RNASEH2C: variants seen among roughly 807,000 people sequenced by gnomAD.
RNASEH2C encodes RNase H1 small subunit.
In RNASEH2C, 20 loss-of-function variants were observed where a neutral mutation model predicts 16.3. That is an observed-to-expected ratio of 1.23 (90% CI 0.86 to 1.79). RNASEH2C has a LOEUF of 1.79. Among genes scored for constraint, RNASEH2C ranks in the 40% most tolerant of loss-of-function variants. The pLI, the probability that RNASEH2C is intolerant of heterozygous loss-of-function variation, is 0.00. For synonymous variants in RNASEH2C, 106 were observed against 98.9 expected, an observed-to-expected ratio of 1.07 and a Z score of -0.43; for missense variants, 296 against 235.9, an observed-to-expected ratio of 1.25 and a Z score of -1.67.
In RNASEH2C at chr11:65,718,722, G is replaced by T. The variant is rs375524599; in HGVS notation, c.*1061C>A. On this transcript the variant is annotated 3_prime_UTR_variant, in exon 4 of 4. Coordinates refer to ENST00000308418, the MANE Select transcript of RNASEH2C (RefSeq NM_032193.4). Reference sequence around the variant, plus strand: ...ATCCTGATGGGGCTGAAGTCGGAGAGCGGGGAGAGGCCACAGATCACCATC... The same window carrying T: ...ATCCTGATGGGGCTGAAGTCGGAGATCGGGGAGAGGCCACAGATCACCATC... 1 of 1,614,078 alleles carries T rather than the reference G, an allele frequency of 6.2e-7. No homozygotes were observed. Among genetic ancestry groups the T allele is most frequent in the Non-Finnish European group, 8.5e-7 (1 of 1,180,040 alleles).
chr11:65,718,282 C>T lies in RNASEH2C; in HGVS notation c.*1501G>A. On this transcript the variant is annotated 3_prime_UTR_variant, in exon 4 of 4. Transcript: ENST00000308418. ...GGCAAAGGAAAATTGGAGGCCCCTT[C>T]TTCCCATGAGCCATTTTCTCTGCAT... 1 of 278,576 alleles carries T rather than the reference C, an allele frequency of 3.6e-6. No homozygotes were observed. Among genetic ancestry groups the T allele is most frequent in the Non-Finnish European group, 6.8e-6 (1 of 146,654 alleles). The allele number at this position is 278,576 out of a possible 1,614,324, so 17.3% of individuals were successfully genotyped here.
chr11:65,718,378 C>T lies in RNASEH2C; in HGVS notation c.*1405G>A, dbSNP rs777245010. On this transcript the variant is annotated 3_prime_UTR_variant, in exon 4 of 4. Coordinates refer to ENST00000308418, the MANE Select transcript of RNASEH2C (RefSeq NM_032193.4). ...GACTGCAGCTGCTCCTCTCAGTGCC[C>T]TCATGCCCTCCACTGTGCTCAGCGC... 1.8e-6 allele frequency: 1 copy of T among 552,022 alleles called. No individual in the cohort carries two copies. Among genetic ancestry groups the T allele is most frequent in the Non-Finnish European group, 3.2e-6 (1 of 308,820 alleles). 34.2% of individuals were successfully genotyped at this position (552,022 alleles called of 1,614,324 possible). A position where few individuals can be genotyped will look rare whatever the true frequency, so the allele number is the denominator to read the frequency against.
rs1857322796 is a variant in RNASEH2C at position 65,719,440 on chromosome 11, T to G, written c.*343A>C. On this transcript the variant is annotated 3_prime_UTR_variant, in exon 4 of 4. Transcript: ENST00000308418. ...GACCAGAGGGAGCCAGGCAGCTGTG[T>G]ACAGTGAGAAGGGATCCGGATGGGG... The G allele has an allele frequency of 6.6e-6, 4 of 605,522 alleles. No homozygotes were observed. The East Asian group carries it at 1.1e-4, about 17-fold the overall frequency. 37.5% of individuals were successfully genotyped at this position (605,522 alleles called of 1,614,324 possible). A position where few individuals can be genotyped will look rare whatever the true frequency, so the allele number is the denominator to read the frequency against.
chr11:65,720,210 G>C, intron 2 of RNASEH2C, 32 bp downstream of exon 2: 1 of 1,614,236 alleles, frequency 6.2e-7, no homozygotes, highest in Non-Finnish European at 8.5e-7. Flanking sequence ...GCTCCCGCCC[G>C]CACCCCCTTT....
chr11:65,719,348 G>T lies in RNASEH2C; in HGVS notation c.*435C>A. ...GGGCCCACTGGTGCCCAGCACCAAGGCGAGCTCCGGGCTCAGACCAACTCC... is the reference window on the plus strand; with the variant it reads ...GGGCCCACTGGTGCCCAGCACCAAGTCGAGCTCCGGGCTCAGACCAACTCC... On this transcript the variant is annotated 3_prime_UTR_variant, in exon 4 of 4. Transcript: ENST00000308418. 1 of 856,024 alleles carries T rather than the reference G, an allele frequency of 1.2e-6. No individual in the cohort carries two copies. The highest frequency in any genetic ancestry group is 1.8e-6 in the Non-Finnish European group (1 of 569,636). The allele number at this position is 856,024 out of a possible 1,614,324, so 53.0% of individuals were successfully genotyped here.
At position 65,720,426 on chromosome 11, in the gene RNASEH2C, G is replaced by A. The variant is rs1857354472; in HGVS notation, c.173-9C>T. The A allele has an allele frequency of 6.2e-7, 1 of 1,613,390 alleles. No individual in the cohort carries two copies. Among genetic ancestry groups the A allele is most frequent in the Non-Finnish European group, 8.5e-7 (1 of 1,180,024 alleles). The stretch of plus-strand genomic sequence containing the variant: ...AAACGACACTTCGAGTCCTGGAGCG[G>A]GAGGCGCAAAGGGCCTCAGGCAGGA... On this transcript the variant is annotated splice_polypyrimidine_tract_variant and intron_variant, in intron 1 of 3. Coordinates refer to ENST00000308418, the MANE Select transcript of RNASEH2C (RefSeq NM_032193.4).
Position 65,718,560 on chromosome 11 carries a change from T to TA in RNASEH2C, c.*1222dup. On this transcript the variant is annotated 3_prime_UTR_variant, in exon 4 of 4. Transcript: ENST00000308418. ...TTGCTTATGTTCATCTGTGACCTCT[T>TA]ACTCACCCTCTCCTGCTCCATTGCT... 1 of 1,601,786 alleles carries TA rather than the reference T, an allele frequency of 6.2e-7. No individual in the cohort carries two copies. Among genetic ancestry groups the TA allele is most frequent in the Non-Finnish European group, 8.5e-7 (1 of 1,171,922 alleles).
In RNASEH2C at chr11:65,720,569, TC is replaced by T. The variant is rs1857358674; in HGVS notation, c.172+17del. Reference sequence around the variant, plus strand: ...GCGCGGGGGCTGCCGGGAGCCGTAGTCCGGCCGCAGGGCTCACCCTCGGGGC... The same window carrying T: ...GCGCGGGGGCTGCCGGGAGCCGTAGTCGGCCGCAGGGCTCACCCTCGGGGC... On this transcript the variant is annotated intron_variant, in intron 1 of 3. Coordinates refer to ENST00000308418, the MANE Select transcript of RNASEH2C (RefSeq NM_032193.4). 1 of 1,519,224 alleles carries T rather than the reference TC, an allele frequency of 6.6e-7. No individual in the cohort carries two copies. Among genetic ancestry groups the T allele is most frequent in the South Asian group, 1.2e-5 (1 of 82,628 alleles). The allele number at this position is 1,519,224 out of a possible 1,614,324, so 94.1% of individuals were successfully genotyped here. A position where few individuals can be genotyped will look rare whatever the true frequency, so the allele number is the denominator to read the frequency against.
Position 65,719,566 on chromosome 11 carries a change from C to A in RNASEH2C, c.*217G>T. On this transcript the variant is annotated 3_prime_UTR_variant, in exon 4 of 4. Coordinates refer to ENST00000308418, the MANE Select transcript of RNASEH2C (RefSeq NM_032193.4). The stretch of plus-strand genomic sequence containing the variant: ...CTGCAAAAATTTCTGGCTTCTCTTA[C>A]CCCTATTGCCCCCGGCAATAAATTG... 1.6e-6 allele frequency: 1 copy of A among 639,010 alleles called. No homozygotes were observed. Among genetic ancestry groups the A allele is most frequent in the Non-Finnish European group, 2.8e-6 (1 of 362,318 alleles). The allele number at this position is 639,010 out of a possible 1,614,324, so 39.6% of individuals were successfully genotyped here. A position where few individuals can be genotyped will look rare whatever the true frequency, so the allele number is the denominator to read the frequency against.
At position 65,720,692 on chromosome 11, in the gene RNASEH2C, C is replaced by T. The variant is rs778499260; in HGVS notation, c.67G>A (p.Asp23Asn). ...AGATGCAGTGTGGCGGGTACGGCGT[C>T]GCGCAATGTGGCGGAGCGCAAGTGG... ...RVHLRSATLRDAVPATLHLLP... is the reference protein window; with the variant it reads ...RVHLRSATLRNAVPATLHLLP... Residue 23 changes from aspartate to asparagine, a missense_variant, in exon 1 of 4, where the codon GAC (aspartate) becomes AAC (asparagine). Coordinates refer to ENST00000308418, the MANE Select transcript of RNASEH2C (RefSeq NM_032193.4). The T allele has an allele frequency of 6.3e-7, 1 of 1,588,534 alleles. No homozygotes were observed.
At position 65,718,681 on chromosome 11, in the gene RNASEH2C, C is replaced by G; in HGVS notation, c.*1102G>C. The G allele has an allele frequency of 6.2e-7, 1 of 1,614,148 alleles. No individual in the cohort carries two copies. Among genetic ancestry groups the G allele is most frequent in the Non-Finnish European group, 8.5e-7 (1 of 1,180,028 alleles). Reference sequence around the variant, plus strand: ...TCCTATCCTATCGAAGCTACTGGTCCCAGACCATCCTGGAGATCCTGATGG... The same window carrying G: ...TCCTATCCTATCGAAGCTACTGGTCGCAGACCATCCTGGAGATCCTGATGG... On this transcript the variant is annotated 3_prime_UTR_variant, in exon 4 of 4. Transcript: ENST00000308418.
In RNASEH2C at chr11:65,720,765, T is replaced by G; in HGVS notation, c.-7A>C. 1 of 1,581,466 alleles carries G rather than the reference T, an allele frequency of 6.3e-7. No homozygotes were observed. Among genetic ancestry groups the G allele is most frequent in the Non-Finnish European group, 8.5e-7 (1 of 1,170,342 alleles). On this transcript the variant is annotated 5_prime_UTR_variant, in exon 1 of 4. Coordinates refer to ENST00000308418, the MANE Select transcript of RNASEH2C (RefSeq NM_032193.4). The stretch of plus-strand genomic sequence containing the variant: ...CTTCGTCGCCGCTCTCCATCCTCCC[T>G]CCTACGCGACGCCAGGGCTCGCGAG...
At chr11:65,720,488 A>G (rs1211498289) in intron 1 of RNASEH2C, 71 bp from the exon 2 acceptor site, 9 of 1,589,328 alleles carry the variant, frequency 5.7e-6, no homozygotes, top group Non-Finnish European at 6.8e-6. Flanking sequence ...CCCTCCCGCC[A>G]CCTCCGGACG....
In RNASEH2C at chr11:65,718,986, G is replaced by C; in HGVS notation, c.*797C>G. ...AGGCAGGCAGGGGAGACAGGTGTGT[G>C]GGATGCAGAGTGCAGTCCTCTGTGG... On this transcript the variant is annotated 3_prime_UTR_variant, in exon 4 of 4. Coordinates refer to ENST00000308418, the MANE Select transcript of RNASEH2C (RefSeq NM_032193.4). The C allele has an allele frequency of 6.2e-7, 1 of 1,614,022 alleles. No homozygotes were observed. The highest frequency in any genetic ancestry group is 8.5e-7 in the Non-Finnish European group (1 of 1,179,934).
In RNASEH2C at chr11:65,720,759, C is replaced by T; in HGVS notation, c.-1G>A. 6.3e-7 allele frequency: 1 copy of T among 1,588,162 alleles called. No individual in the cohort carries two copies. Among genetic ancestry groups the T allele is most frequent in the Non-Finnish European group, 8.5e-7 (1 of 1,173,132 alleles). On this transcript the variant is annotated 5_prime_UTR_variant, in exon 1 of 4. Transcript: ENST00000308418. ...TGGCCGCTTCGTCGCCGCTCTCCATCCTCCCTCCTACGCGACGCCAGGGCT... is the reference window on the plus strand; with the variant it reads ...TGGCCGCTTCGTCGCCGCTCTCCATTCTCCCTCCTACGCGACGCCAGGGCT...
Position 65,720,423 on chromosome 11 carries a change from G to A in RNASEH2C, c.173-6C>T. ...CCGAAACGACACTTCGAGTCCTGGA[G>A]CGGGAGGCGCAAAGGGCCTCAGGCA... On this transcript the variant is annotated splice_region_variant and splice_polypyrimidine_tract_variant and intron_variant, in intron 1 of 3. Transcript: ENST00000308418. The A allele has an allele frequency of 6.2e-7, 1 of 1,613,422 alleles. No individual in the cohort carries two copies. Among genetic ancestry groups the A allele is most frequent in the Non-Finnish European group, 8.5e-7 (1 of 1,180,014 alleles).
At position 65,719,021 on chromosome 11, in the gene RNASEH2C, C is replaced by A; in HGVS notation, c.*762G>T. The A allele has an allele frequency of 6.2e-7, 1 of 1,614,034 alleles. No individual in the cohort carries two copies. The highest frequency in any genetic ancestry group is 8.5e-7 in the Non-Finnish European group (1 of 1,179,928). On this transcript the variant is annotated 3_prime_UTR_variant, in exon 4 of 4. Transcript: ENST00000308418. ...GTGCAGTCCTCTGTGGGCTGACCAC[C>A]TGCTGAACCCATCTCCTCTGCCCAG...
Position 65,719,483 on chromosome 11 carries a change from C to CTGGTGATTGTAAAAATTTCTTT in RNASEH2C, c.*278_*299dup. 3 of 608,674 alleles carry CTGGTGATTGTAAAAATTTCTTT rather than the reference C, an allele frequency of 4.9e-6. No homozygotes were observed. The highest frequency in any genetic ancestry group is 8.7e-6 in the Non-Finnish European group (3 of 345,372). The allele number at this position is 608,674 out of a possible 1,614,324, so 37.7% of individuals were successfully genotyped here. On this transcript the variant is annotated 3_prime_UTR_variant, in exon 4 of 4. Coordinates refer to ENST00000308418, the MANE Select transcript of RNASEH2C (RefSeq NM_032193.4). ...GGATGGGGGAGCTCTGTACAGAGGGCTGGTGATTGTAAAAATTTCTTTTGT... is the reference window on the plus strand; with the variant it reads ...GGATGGGGGAGCTCTGTACAGAGGGCTGGTGATTGTAAAAATTTCTTTTGGTGATTGTAAAAATTTCTTTTGT...
Position 65,720,788 on chromosome 11 carries a change from G to A in RNASEH2C, c.-30C>T. ...CCTCCTACGCGACGCCAGGGCTCGCGAGCTGACACTGAAGCTGGCGCGGAA... is the reference window on the plus strand; with the variant it reads ...CCTCCTACGCGACGCCAGGGCTCGCAAGCTGACACTGAAGCTGGCGCGGAA... On this transcript the variant is annotated 5_prime_UTR_variant, in exon 1 of 4. Transcript: ENST00000308418. 1 of 1,566,646 alleles carries A rather than the reference G, an allele frequency of 6.4e-7. No homozygotes were observed. Among genetic ancestry groups the A allele is most frequent in the Non-Finnish European group, 8.6e-7 (1 of 1,163,646 alleles).
Sources: allele counts gnomAD v4.1 joint callset, GRCh38; gene constraint gnomAD v4.1.1; transcripts MANE v1.5; gene names NCBI Gene and HGNC (gene_info 2026-07-23, HGNC 2026-07-21).